ZNF507: variants seen among roughly 807,000 people sequenced by gnomAD.
The protein encoded by ZNF507 is zinc finger protein 507.
ZNF507 carries 29 observed loss-of-function variants against 80.0 expected under a neutral mutation model. The observed-to-expected ratio is 0.36, with a 90% CI of 0.27 to 0.49. The LOEUF (loss-of-function observed/expected upper bound fraction) is 0.49. Ranked by LOEUF, ZNF507 falls within the 20% of genes least tolerant of loss-of-function variation. The pLI is 0.98. For missense variants in ZNF507, 1,081 were observed against 1,152.2 expected, an observed-to-expected ratio of 0.94 and a Z score of 0.90; for synonymous variants, 462 against 422.5, an observed-to-expected ratio of 1.09 and a Z score of -1.15.
intron 5 of ZNF507, among the ~76,000 whole-genome samples, chr19:32,370,789 T>C (rs1031925128): frequency 1.3e-5 from 2 of 152,240 alleles, no homozygotes; most frequent in African/African-American, 4.8e-5. Flanking sequence ...TTTGGTATCA[T>C]AACCAAAAAA....
rs138641097 is a variant in ZNF507 at position 32,354,465 on chromosome 19, G to A, written c.1635G>A (p.Ser545=). The change falls in exon 3 of 7, where the codon TCG becomes TCA. Residue 545 remains serine (S), a synonymous_variant. Coordinates refer to ENST00000355898, the MANE Select transcript of ZNF507 (RefSeq NM_001136156.2). ...STLAAYSKMM[S]PLKNSSDGLT... is the part of the protein sequence containing the mutation. ...TGGCAGCGTACTCAAAAATGATGTC[G>A]CCACTTAAAAACTCTTCAGATGGAT... 5.5e-5 allele frequency: 88 copies of A among 1,614,070 alleles called. 1 individual carries two copies. In the African/African-American group the frequency reaches 8.0e-4, roughly 15 times the overall value.
rs777729769 is a variant in ZNF507, at chr19:32,354,570, G to A, written c.1740G>A (p.Lys580=). The part of the protein sequence containing the change: ...GRQELSDGQV[K]TGISMSLLTV... ...AGGAATTGTCAGATGGGCAGGTTAA[G>A]ACAGGCATCAGCATGTCCTTACTCA... Residue 580 remains lysine (K), a synonymous_variant, in exon 3 of 7, where the codon AAG becomes AAA. Coordinates refer to ENST00000355898, the MANE Select transcript of ZNF507 (RefSeq NM_001136156.2). 3 of 1,614,198 alleles carry A rather than the reference G, an allele frequency of 1.9e-6. No homozygotes were observed. The highest frequency in any genetic ancestry group is 2.5e-6 in the Non-Finnish European group (3 of 1,180,040).
intron 5 of ZNF507, among the ~76,000 whole-genome samples, chr19:32,378,653 A>T (rs1453355290): frequency 8.1e-4 from 50 of 62,010 alleles, no homozygotes; most frequent in Middle Eastern, 7.9e-3. Flanking sequence ...TTTTTTTTAA[A>T]AAAAAAAGGG....
chr19:32,367,939 C>T (rs888948598), intron 5 of ZNF507, among the ~76,000 whole-genome samples: 1 of 152,148 alleles, frequency 6.6e-6, no homozygotes, highest in African/African-American at 2.4e-5. Context: ...GCATTCAATA[C>T]GTGTCAGTTC....
Position 32,354,627 on chromosome 19 carries a change from C to G in ZNF507, c.1797C>G (p.Asp599Glu). 1 of 1,614,146 alleles carries G rather than the reference C, an allele frequency of 6.2e-7. No individual in the cohort carries two copies. The highest frequency in any genetic ancestry group is 1.3e-5 in the African/African-American group (1 of 75,018). Residue 599 changes from aspartate to glutamate, a missense_variant, in exon 3 of 7, where the codon GAC becomes GAG. Asp to Glu is a conservative substitution (Grantham distance 45). Transcript: ENST00000355898. ...TTGAAAAATTGAGAGAAAGGACAGA[C>G]CAAAACGCTTCAGACGATGACATTT... Reference protein sequence around the residue: ...TVIEKLRERTDQNASDDDILK... With the variant: ...TVIEKLRERTEQNASDDDILK...
At position 32,353,947 on chromosome 19, in the gene ZNF507, A is replaced by G. The variant is rs746197758; in HGVS notation, c.1117A>G (p.Ile373Val). 6.2e-7 allele frequency: 1 copy of G among 1,614,170 alleles called. No individual in the cohort carries two copies. The highest frequency in any genetic ancestry group is 8.5e-7 in the Non-Finnish European group (1 of 1,180,040). ...EVISDAEENL[I>V]PDSLLTSAQK... The stretch of plus-strand genomic sequence containing the variant: ...GATTTCTGATGCAGAGGAGAATCTG[A>G]TTCCTGATAGCCTGCTTACATCAGC... The change falls in exon 3 of 7, where the codon ATT becomes GTT. Residue 373 changes from isoleucine (I) to valine (V), a missense_variant. Physicochemically the swap from Ile to Val is conservative, Grantham distance 29. Around this residue, in one of 6 missense-constraint regions of ZNF507, gnomAD observed 614 missense variants for 583.9 expected, o/e 1.05. Transcript: ENST00000355898.
chr19:32,349,221 A>T (rs1330555149), intron 2 of ZNF507, among the ~76,000 whole-genome samples: 2 of 152,190 alleles, frequency 1.3e-5, no homozygotes, highest in Non-Finnish European at 2.9e-5. Flanking sequence ...CCTCCCTCTG[A>T]TCTGTCATGG....
intron 4 of ZNF507, chr19:32,357,442 G>A (rs1484404699): frequency 6.6e-6 from 1 of 152,170 alleles, no homozygotes; most frequent in Non-Finnish European, 1.5e-5. Context: ...TGGGAGATAA[G>A]ACATATTGGG....
intron 5 of ZNF507, among the ~76,000 whole-genome samples, chr19:32,366,382 C>G (rs1338614687): frequency 6.6e-6 from 1 of 152,192 alleles, no homozygotes; most frequent in Non-Finnish European, 1.5e-5. Flanking sequence ...CCCCTCCCCT[C>G]TGTCTGGTAT....
rs1207451565 is a variant in ZNF507, at chr19:32,384,656, T to C, written c.*1573T>C. 5.9e-5 allele frequency: 9 copies of C among 152,142 alleles called. No individual in the cohort carries two copies. The highest frequency in any genetic ancestry group is 5.9e-4 in the Admixed American group (9 of 15,272). The allele number at this position is 152,142 out of a possible 1,614,324, so 9.4% of individuals were successfully genotyped here. A position where few individuals can be genotyped will look rare whatever the true frequency, so the allele number is the denominator to read the frequency against. ...TATGATTGGATTAATATTTATAAAA[T>C]TATTATTAGGAATTATTTAAGTGGG... On this transcript the variant is annotated 3_prime_UTR_variant, in exon 7 of 7. Transcript: ENST00000355898.
intron 1 of ZNF507, among the ~76,000 whole-genome samples, chr19:32,346,827 T>C (rs1215094202): frequency 1.3e-5 from 2 of 152,250 alleles, no homozygotes; most frequent in South Asian, 2.1e-4. Flanking sequence ...GTGTCATATC[T>C]TTTTATGCTG....
rs549403066 is a variant in ZNF507, at chr19:32,346,048, C to T, written c.-97+265C>T. Among the ~76,000 whole-genome samples the T allele has an allele frequency of 5.9e-5, 9 of 152,328 alleles. No individual in the cohort carries two copies. The East Asian group carries it at 1.7e-3, about 29-fold the overall frequency. ...GTCACCAGCCCGGCCCGCCCGCAGG[C>T]GTTGCTTCCTTCTCCAGGCGTTGCT... is the stretch of plus-strand genomic sequence containing the variant. On this transcript the variant is annotated intron_variant, in intron 1 of 6. Coordinates refer to ENST00000355898, the MANE Select transcript of ZNF507 (RefSeq NM_001136156.2).
Position 32,379,918 on chromosome 19 carries a change from G to A in ZNF507, c.2361-2549G>A, listed in dbSNP as rs188631254. ...GGTGTTCATGGCTAGGATGATTCTT[G>A]TATGTGTTTCCTTGTGAACACCAGA... On this transcript the variant is annotated intron_variant, in intron 5 of 6. Coordinates refer to ENST00000355898, the MANE Select transcript of ZNF507 (RefSeq NM_001136156.2). 1.8e-3 allele frequency among the ~76,000 whole-genome samples: 277 copies of A among 152,116 alleles called. 1 individual carries two copies. Among genetic ancestry groups the A allele is most frequent in the African/African-American group, 6.5e-3 (271 of 41,518 alleles).
At chr19:32,351,578 GA>G in intron 2 of ZNF507, among the ~76,000 whole-genome samples, 1 of 147,628 alleles carries the variant, frequency 6.8e-6, no homozygotes, top group Non-Finnish European at 1.5e-5. Flanking sequence ...GGCAGGGGCT[GA>G]AGGGCCCTTA....
At chr19:32,377,346 C>G (rs1213093035) in intron 5 of ZNF507, among the ~76,000 whole-genome samples, 2 of 152,166 alleles carry the variant, frequency 1.3e-5, no homozygotes, top group Non-Finnish European at 2.9e-5. Flanking sequence ...AAGGCTCGCA[C>G]TCTTGTCTTC....
rs1967309440 is a variant in ZNF507 at position 32,360,607 on chromosome 19, TA to T, written c.2351del (p.Lys784SerfsTer18). ...RNHRRIHNSD[K>X]PYRCSLCGYV... ...ACCACAGGCGAATCCATAACTCTGA[TA>T]AGCCGTACAGGTAAGTGTTATGATT... On this transcript the variant is annotated frameshift_variant, in exon 5 of 7. Coordinates refer to ENST00000355898, the MANE Select transcript of ZNF507 (RefSeq NM_001136156.2). LOFTEE classifies it high-confidence loss of function. 1 of 1,589,076 alleles carries T rather than the reference TA, an allele frequency of 6.3e-7. No homozygotes were observed. Among genetic ancestry groups the T allele is most frequent in the Non-Finnish European group, 8.6e-7 (1 of 1,164,986 alleles).
At chr19:32,358,764 C>G (rs1044218987) in intron 4 of ZNF507, 2 of 152,178 alleles carry the variant, frequency 1.3e-5, no homozygotes, top group Non-Finnish European at 2.9e-5. Flanking sequence ...AGATTTTACC[C>G]AGACATGCAG....
In ZNF507 at chr19:32,353,171, C is replaced by G. The variant is rs1967194475; in HGVS notation, c.341C>G (p.Thr114Ser). ...TCACAAACAAATTTTACCCCTGACA[C>G]TCTTGCCCAGAATGAAGGGAAGGCT... is the stretch of plus-strand genomic sequence containing the variant. ...EMSQTNFTPD[T>S]LAQNEGKAMS... The change falls in exon 3 of 7, where the codon ACT becomes AGT. Residue 114 changes from threonine to serine, a missense_variant. This residue lies in a region of ZNF507 where 275 missense variants were observed against 303.9 expected (regional missense o/e 0.90). Coordinates refer to ENST00000355898, the MANE Select transcript of ZNF507 (RefSeq NM_001136156.2). 2 of 1,614,250 alleles carry G rather than the reference C, an allele frequency of 1.2e-6. No individual in the cohort carries two copies. The highest frequency in any genetic ancestry group is 1.7e-6 in the Non-Finnish European group (2 of 1,180,036).
Position 32,354,149 on chromosome 19 carries a change from A to T in ZNF507, c.1319A>T (p.Asp440Val), listed in dbSNP as rs201355263. ...EAQIGREGMDDVYRADKCTVD... is the reference protein window; with the variant it reads ...EAQIGREGMDVVYRADKCTVD... Reference sequence around the variant, plus strand: ...CAGATTGGGCGCGAAGGAATGGATGATGTTTATCGTGCTGATAAATGTACT... The same window carrying T: ...CAGATTGGGCGCGAAGGAATGGATGTTGTTTATCGTGCTGATAAATGTACT... The change falls in exon 3 of 7, where the codon GAT (aspartate) becomes GTT (valine). Residue 440 changes from aspartate (D) to valine (V), a missense_variant. Physicochemically the swap from Asp to Val is radical, Grantham distance 152. Around this residue, in one of 6 missense-constraint regions of ZNF507, gnomAD observed 614 missense variants for 583.9 expected, o/e 1.05. Coordinates refer to ENST00000355898, the MANE Select transcript of ZNF507 (RefSeq NM_001136156.2). The T allele has an allele frequency of 1.2e-6, 2 of 1,613,208 alleles. No homozygotes were observed. Among genetic ancestry groups the T allele is most frequent in the East Asian group, 2.2e-5 (1 of 44,870 alleles).
Sources: gnomAD v4.1 joint callset for allele counts (sites outside exome capture counted in the v4.1 genomes callset) on GRCh38, gnomAD v4.1.1 for gene constraint, gnomAD v4.1.1 regional missense constraint, MANE v1.5 for transcripts, NCBI Gene and HGNC (gene_info 2026-07-23, HGNC 2026-07-21) for gene names.